CYSTM1: variants seen among roughly 807,000 people sequenced by gnomAD.
CYSTM1 encodes the protein cysteine-rich transmembrane module-containing protein 1.
Under a neutral mutation model 13.1 loss-of-function variants are expected in CYSTM1, and 4 were observed. That is an observed-to-expected ratio of 0.31 (90% CI 0.15 to 0.70). The LOEUF (loss-of-function observed/expected upper bound fraction) is 0.70. Among genes scored for constraint, CYSTM1 ranks in the 30% least tolerant of loss-of-function variants. The pLI is 0.72. For synonymous variants in CYSTM1, 36 were observed against 42.7 expected, an observed-to-expected ratio of 0.84 and a Z score of 0.62; for missense variants, 96 against 121.6, an observed-to-expected ratio of 0.79 and a Z score of 0.99.
chr5:140,192,969 C>T (rs1489042713), intron 1 of CYSTM1, among the ~76,000 whole-genome samples: 1 of 152,182 alleles, frequency 6.6e-6, no homozygotes, highest in African/African-American at 2.4e-5. Context: ...CATCAAAGTC[C>T]ACTGCTACTG....
intron 2 of CYSTM1, among the ~76,000 whole-genome samples, chr5:140,213,273 AAAAT>A (rs971648199): frequency 7.9e-5 from 12 of 151,978 alleles, no homozygotes; most frequent in East Asian, 3.9e-4. Flanking sequence ...TAAAAAGTAA[AAAAT>A]AAATAAATTT....
chr5:140,220,324 G>C (rs955925647), intron 2 of CYSTM1, among the ~76,000 whole-genome samples: 4 of 152,044 alleles, frequency 2.6e-5, no homozygotes, highest in African/African-American at 9.7e-5. Flanking sequence ...TGGCAGCCAG[G>C]GCCCATCTAA....
chr5:140,186,062 T>C (rs918858762), intron 1 of CYSTM1, among the ~76,000 whole-genome samples: 3 of 152,304 alleles, frequency 2.0e-5, no homozygotes, highest in South Asian at 2.1e-4. Context: ...TCTGATGCAA[T>C]AGCAGACAAA....
At chr5:140,180,327 A>G (rs1763948723) in intron 1 of CYSTM1, among the ~76,000 whole-genome samples, 1 of 152,072 alleles carries the variant, frequency 6.6e-6, no homozygotes, top group Non-Finnish European at 1.5e-5. Flanking sequence ...TAGACTTCTG[A>G]CATTTGTTGG....
intron 1 of CYSTM1, among the ~76,000 whole-genome samples, chr5:140,193,878 G>A (rs1475093379): frequency 6.6e-6 from 1 of 152,180 alleles, no homozygotes; most frequent in Non-Finnish European, 1.5e-5. Flanking sequence ...GGTCTGGGGA[G>A]AACAACCAGA....
At chr5:140,179,364 G>A (rs1368605675) in intron 1 of CYSTM1, among the ~76,000 whole-genome samples, 1 of 151,916 alleles carries the variant, frequency 6.6e-6, no homozygotes, top group African/African-American at 2.4e-5. Flanking sequence ...TTCGAGACCA[G>A]CCTGGCCAAC....
chr5:140,226,606 A>ATG (rs1354473052), intron 2 of CYSTM1, among the ~76,000 whole-genome samples: 1 of 113,776 alleles, frequency 8.8e-6, no homozygotes, highest in Non-Finnish European at 1.7e-5. Context: ...ATATATATAT[A>ATG]TATATAAAAA....
intron 1 of CYSTM1, among the ~76,000 whole-genome samples, chr5:140,179,547 A>T (rs1255950393): frequency 1.3e-5 from 2 of 152,042 alleles, no homozygotes; most frequent in Admixed American, 6.5e-5. Context: ...GAGACAGAGG[A>T]AGACTCTGTC....
At chr5:140,213,733 G>A (rs1319628486) in intron 2 of CYSTM1, among the ~76,000 whole-genome samples, 1 of 152,134 alleles carries the variant, frequency 6.6e-6, no homozygotes, top group East Asian at 1.9e-4. Context: ...ATTCAATATA[G>A]CAACATGCTG....
chr5:140,211,082 G>A (rs941164171), intron 2 of CYSTM1, among the ~76,000 whole-genome samples: 2 of 152,064 alleles, frequency 1.3e-5, no homozygotes, highest in African/African-American at 2.4e-5. Context: ...TGGGGCCAGT[G>A]GTTTAAGTTT....
chr5:140,224,445 G>A (rs534217551), intron 2 of CYSTM1, among the ~76,000 whole-genome samples: 1 of 152,090 alleles, frequency 6.6e-6, no homozygotes, highest in South Asian at 2.1e-4. Context: ...AGCTGCCGCA[G>A]ACTTTCTTAC....
At chr5:140,211,734 G>T (rs1016964343) in intron 2 of CYSTM1, among the ~76,000 whole-genome samples, 2 of 152,118 alleles carry the variant, frequency 1.3e-5, no homozygotes, top group Non-Finnish European at 2.9e-5. Flanking sequence ...ATCACTTCAG[G>T]TCAGGAATTC....
chr5:140,215,734 C>T (rs1051946497), intron 2 of CYSTM1, among the ~76,000 whole-genome samples: 1 of 151,882 alleles, frequency 6.6e-6, no homozygotes, highest in Non-Finnish European at 1.5e-5. Flanking sequence ...GATGTATTTG[C>T]AGCTAATATA....
At position 140,175,723 on chromosome 5, in the gene CYSTM1, G is replaced by A. The variant is rs958719186; in HGVS notation, c.-21+438G>A. On this transcript the variant is annotated intron_variant, in intron 1 of 2. Coordinates refer to ENST00000261811, the MANE Select transcript of CYSTM1 (RefSeq NM_032412.4). The surrounding 1 kb of genome is among the most constrained non-coding windows in gnomAD (Gnocchi z 4.9). Reference sequence around the variant, plus strand: ...TTCCGAGCTGGGCCAGCCGGGGGCAGGGGGCAGGTCGCGAGTCCCGCGGGT... The same window carrying A: ...TTCCGAGCTGGGCCAGCCGGGGGCAAGGGGCAGGTCGCGAGTCCCGCGGGT... Among the ~76,000 whole-genome samples, 1 of 152,258 alleles carries A rather than the reference G, an allele frequency of 6.6e-6. No individual in the cohort carries two copies. The highest frequency in any genetic ancestry group is 2.4e-5 in the African/African-American group (1 of 41,474).
intron 2 of CYSTM1, chr5:140,229,033 CAT>C (rs1335780996): frequency 2.9e-5 from 11 of 380,784 alleles, no homozygotes; most frequent in Non-Finnish European, 5.1e-5. Context: ...TGAACATAAA[CAT>C]ATAAGTTTTG....
intron 2 of CYSTM1, among the ~76,000 whole-genome samples, chr5:140,212,014 C>G (rs910150968): frequency 1.3e-5 from 2 of 152,152 alleles, no homozygotes; most frequent in Admixed American, 6.5e-5. Context: ...ATTACCATTT[C>G]TAATTAGATT....
chr5:140,204,848 A>C (rs1367394071), intron 2 of CYSTM1, among the ~76,000 whole-genome samples: 2 of 152,260 alleles, frequency 1.3e-5, no homozygotes, highest in East Asian at 3.9e-4. Context: ...ACCATTTCAA[A>C]GGGTGGTTGT....
intron 2 of CYSTM1, among the ~76,000 whole-genome samples, chr5:140,242,124 A>G (rs888007104): frequency 6.6e-6 from 1 of 152,192 alleles, no homozygotes; most frequent in African/African-American, 2.4e-5. Context: ...TCTCCCTCTG[A>G]GCAGGCTTTC....
chr5:140,207,173 A>G (rs1236513467), intron 2 of CYSTM1, among the ~76,000 whole-genome samples: 1 of 152,156 alleles, frequency 6.6e-6, no homozygotes, highest in East Asian at 1.9e-4. Flanking sequence ...GGACACATAT[A>G]TACCTTTTGC....
Sources: gnomAD v4.1 joint callset for allele counts (sites outside exome capture counted in the v4.1 genomes callset) on GRCh38, gnomAD v4.1.1 for gene constraint, Gnocchi (gnomAD v3.1) non-coding constraint, MANE v1.5 for transcripts, NCBI Gene and HGNC (gene_info 2026-07-23, HGNC 2026-07-21) for gene names.